The following SBF2 variants were observed in gnomAD, a reference collection of about 807,000 sequenced individuals.
SBF2 encodes the protein myotubularin-related protein 13.
A neutral mutation model predicts 225.2 loss-of-function variants in SBF2; 112 were observed. The ratio of observed to expected loss-of-function variants is 0.50; its 90% CI spans 0.43 to 0.58. SBF2 has a LOEUF of 0.58. SBF2 is among the 20% of genes least tolerant of loss of function. The pLI, the probability that SBF2 is intolerant of heterozygous loss-of-function variation, is 0.00. For missense variants in SBF2, 1,996 were observed against 2,206.2 expected (o/e 0.90, Z 1.91); for synonymous variants, 763 against 773.3 (o/e 0.99, Z 0.22).
chr11:10,275,409 G>A (rs1962877419), intron 1 of SBF2, among the ~76,000 whole-genome samples: 1 of 152,062 alleles, frequency 6.6e-6, no homozygotes. Flanking sequence ...ATCTTGACGG[G>A]TATGACACCC....
intron 2 of SBF2, among the ~76,000 whole-genome samples, chr11:10,171,121 G>A (rs1206703349): frequency 6.6e-6 from 1 of 152,024 alleles, no homozygotes; most frequent in Non-Finnish European, 1.5e-5. Flanking sequence ...CAATTTGGAT[G>A]CCCTAGACTT....
At chr11:9,901,053 C>T (rs1861683490) in intron 16 of SBF2, among the ~76,000 whole-genome samples, 1 of 152,134 alleles carries the variant, frequency 6.6e-6, no homozygotes. Context: ...TTAAAATTTA[C>T]TTATGGATTT....
At chr11:10,293,064 G>C (rs142345328) in intron 1 of SBF2, among the ~76,000 whole-genome samples, 1 of 152,212 alleles carries the variant, frequency 6.6e-6, no homozygotes, top group South Asian at 2.1e-4. Context: ...GAAAAATGAA[G>C]GGGCTGTAGA....
At chr11:10,162,389 G>C (rs1303422117) in intron 2 of SBF2, among the ~76,000 whole-genome samples, 3 of 152,140 alleles carry the variant, frequency 2.0e-5, no homozygotes, top group African/African-American at 4.8e-5. Context: ...AGAGTGAAAA[G>C]ACAAACTCTA....
At chr11:10,127,083 C>T (rs755409665) in intron 2 of SBF2, among the ~76,000 whole-genome samples, 2 of 151,944 alleles carry the variant, frequency 1.3e-5, no homozygotes, top group African/African-American at 4.8e-5. Context: ...GTTTCAGTTT[C>T]GGATGATGGA....
rs146799130 is a variant in SBF2 at position 10,050,593 on chromosome 11, T to C, written c.142-7612A>G. ...ATGGGGTCTCTCTCAAAATGTATTATTGTATTATACTTGCCCTTCTTATGA... is the reference window on the plus strand; with the variant it reads ...ATGGGGTCTCTCTCAAAATGTATTACTGTATTATACTTGCCCTTCTTATGA... On this transcript the variant is annotated intron_variant, in intron 2 of 39. Coordinates refer to ENST00000256190, the MANE Select transcript of SBF2 (RefSeq NM_030962.4). 3.5e-3 allele frequency among the ~76,000 whole-genome samples: 540 copies of C among 152,274 alleles called. 4 individuals carry two copies. The highest frequency in any genetic ancestry group is 0.012 in the African/African-American group (506 of 41,580).
At chr11:9,946,081 G>A (rs1336647971) in intron 16 of SBF2, among the ~76,000 whole-genome samples, 1 of 152,128 alleles carries the variant, frequency 6.6e-6, no homozygotes. Context: ...TCCATTTCTA[G>A]GTATATACCC....
intron 2 of SBF2, among the ~76,000 whole-genome samples, chr11:10,162,582 A>G (rs1461155109): frequency 6.6e-6 from 1 of 152,108 alleles, no homozygotes; most frequent in Non-Finnish European, 1.5e-5. Flanking sequence ...CCTTAAATGC[A>G]CTCTTTTAAA....
intron 2 of SBF2, among the ~76,000 whole-genome samples, chr11:10,079,765 G>C (rs376347721): frequency 6.6e-6 from 1 of 152,040 alleles, no homozygotes; most frequent in African/African-American, 2.4e-5. Flanking sequence ...TTGCAAGAAA[G>C]AACTCACCAT....
At chr11:9,800,902 T>C (rs1853454805) in intron 32 of SBF2, among the ~76,000 whole-genome samples, 1 of 152,144 alleles carries the variant, frequency 6.6e-6, no homozygotes, top group Non-Finnish European at 1.5e-5. Flanking sequence ...ATTTCTTATA[T>C]TGGTAATATG....
intron 2 of SBF2, among the ~76,000 whole-genome samples, chr11:10,057,101 T>A (rs1427243229): frequency 6.6e-6 from 1 of 152,154 alleles, no homozygotes; most frequent in Non-Finnish European, 1.5e-5. Flanking sequence ...CAGCCTTCAC[T>A]GGTGACACTT....
chr11:10,265,856 ATT>A (rs1491232081), intron 1 of SBF2, among the ~76,000 whole-genome samples: 20 of 117,232 alleles, frequency 1.7e-4, no homozygotes, highest in African/African-American at 6.0e-4. Flanking sequence ...GGCCAGGCTA[ATT>A]GTGTGTGTGT....
At chr11:10,121,556 T>C (rs1953450729) in intron 2 of SBF2, among the ~76,000 whole-genome samples, 1 of 152,204 alleles carries the variant, frequency 6.6e-6, no homozygotes, top group African/African-American at 2.4e-5. Context: ...GCAGGGCTAG[T>C]ATTCTCGAAA....
At chr11:9,862,489 T>C (rs1326612300) in intron 17 of SBF2, among the ~76,000 whole-genome samples, 2 of 152,244 alleles carry the variant, frequency 1.3e-5, no homozygotes, top group African/African-American at 2.4e-5. Context: ...CAGGGTCATA[T>C]GGTAAGATGA....
intron 12 of SBF2, 45 bp from the exon 13 acceptor site, chr11:9,989,640 C>A (rs1210256670): frequency 8.8e-7 from 1 of 1,139,538 alleles, no homozygotes; most frequent in Non-Finnish European, 1.3e-6. Flanking sequence ...CCAAAATATG[C>A]CAAATTCAAA....
In SBF2 at chr11:9,992,506, T is replaced by G; in HGVS notation, c.1205A>C (p.Asp402Ala). 6.2e-7 allele frequency: 1 copy of G among 1,613,192 alleles called. No individual in the cohort carries two copies. Among genetic ancestry groups the G allele is most frequent in the Non-Finnish European group, 8.5e-7 (1 of 1,179,470 alleles). ...TCCACTGAGTACTTTAGTGAGGAAA[T>G]CATTCTCGACCAAACCACGCTGCCC... ...FLGQRGLVEN[D>A]FLTKVLSGMA... is the part of the protein sequence containing the mutation. Residue 402 changes from aspartate (D) to alanine (A), a missense_variant, in exon 12 of 40, where the codon GAT becomes GCT. Physicochemically the swap from Asp to Ala is moderately radical, Grantham distance 126. Coordinates refer to ENST00000256190, the MANE Select transcript of SBF2 (RefSeq NM_030962.4).
At chr11:9,866,673 G>A (rs1309598144) in intron 17 of SBF2, among the ~76,000 whole-genome samples, 4 of 152,162 alleles carry the variant, frequency 2.6e-5, no homozygotes, top group Non-Finnish European at 4.4e-5. Context: ...TCTGGGCAAA[G>A]ATTTCTTGGG....
intron 16 of SBF2, among the ~76,000 whole-genome samples, chr11:9,927,118 A>G (rs1170341718): frequency 6.6e-6 from 1 of 152,244 alleles, no homozygotes; most frequent in East Asian, 1.9e-4. Context: ...TTAACATGTT[A>G]TATCTATATA....
intron 2 of SBF2, among the ~76,000 whole-genome samples, chr11:10,090,764 CAAAAAAAA>C (rs201577494): frequency 2.3e-5 from 1 of 44,428 alleles, no homozygotes; most frequent in Non-Finnish European, 4.4e-5. Context: ...GATTCCATCT[CAAAAAAAA>C]AAAAAAAAAA....
Sources: allele counts gnomAD v4.1 joint callset (sites outside exome capture counted in the v4.1 genomes callset), GRCh38; gene constraint gnomAD v4.1.1; transcripts MANE v1.5; gene names NCBI Gene and HGNC (gene_info 2026-07-23, HGNC 2026-07-21).